Variants in LMNTD1 observed in about 807,000 individuals in gnomAD.
LMNTD1 encodes the protein lamin tail domain-containing protein 1.
In LMNTD1, 35 loss-of-function variants were observed where a neutral mutation model predicts 50.9. The ratio of observed to expected loss-of-function variants is 0.69; its 90% CI spans 0.53 to 0.91. The LOEUF (loss-of-function observed/expected upper bound fraction) is 0.91. LMNTD1 is among the 40% of genes least tolerant of loss of function. The pLI is 0.00. For missense variants in LMNTD1, 470 were observed against 475.5 expected, an observed-to-expected ratio of 0.99 and a Z score of 0.11; for synonymous variants, 153 against 161.9, an observed-to-expected ratio of 0.94 and a Z score of 0.42.
At chr12:25,634,207 A>G (rs1340921099) in intron 1 of LMNTD1, among the ~76,000 whole-genome samples, 1 of 152,224 alleles carries the variant, frequency 6.6e-6, no homozygotes, top group African/African-American at 2.4e-5. Context: ...ACCAACAAAA[A>G]AAGTCCAGGA....
At chr12:25,593,697 A>G (rs1207168576) in intron 1 of LMNTD1, among the ~76,000 whole-genome samples, 3 of 152,116 alleles carry the variant, frequency 2.0e-5, no homozygotes, top group Admixed American at 2.0e-4. Context: ...ATGGGTCCAA[A>G]CCAAGAAGAA....
At chr12:25,558,898 G>A (rs1414852874) in intron 1 of LMNTD1, among the ~76,000 whole-genome samples, 4 of 151,878 alleles carry the variant, frequency 2.6e-5, no homozygotes, top group East Asian at 3.9e-4. Flanking sequence ...ATTTGGGTGG[G>A]GACACAGAGC....
chr12:25,561,943 A>C (rs949457104), intron 1 of LMNTD1, among the ~76,000 whole-genome samples: 10 of 152,154 alleles, frequency 6.6e-5, no homozygotes, highest in African/African-American at 2.4e-4. Context: ...GTTTCATCAG[A>C]GACTAGGATT....
chr12:25,598,764 G>A (rs920212333), intron 1 of LMNTD1, among the ~76,000 whole-genome samples: 175 of 151,754 alleles, frequency 1.2e-3, no homozygotes, highest in African/African-American at 3.9e-3. Flanking sequence ...AAATGGACAC[G>A]TTACTGGACA....
chr12:25,574,353 T>A (rs928058483), intron 1 of LMNTD1, among the ~76,000 whole-genome samples: 1 of 152,100 alleles, frequency 6.6e-6, no homozygotes, highest in Admixed American at 6.6e-5. Context: ...ACCCTTGCCC[T>A]CCCCCATCCA....
In LMNTD1 at chr12:25,518,468, T is replaced by G. The variant is rs531163698; in HGVS notation, c.1189+327A>C. Among the ~76,000 whole-genome samples the G allele has an allele frequency of 3.4e-5, 5 of 146,222 alleles. No homozygotes were observed. In the South Asian group the frequency reaches 1.1e-3, roughly 34 times the overall value. On this transcript the variant is annotated intron_variant, in intron 8 of 9. Transcript: ENST00000458174. ...CACAGCATAACTTGTAAGAACAGTT[T>G]TTGCTGCCTGATGAAAAAACAAAAA...
At chr12:25,575,742 G>T (rs829042) in intron 1 of LMNTD1, among the ~76,000 whole-genome samples, 97,058 of 151,814 alleles carry the variant, frequency 0.64, 32,797 homozygotes, top group Non-Finnish European at 0.77. Flanking sequence ...ACAACGTGCA[G>T]GTTTGTTACA....
intron 2 of LMNTD1, among the ~76,000 whole-genome samples, chr12:25,552,466 C>T (rs829050): frequency 0.67 from 101,425 of 150,810 alleles, 34,432 homozygotes; most frequent in Admixed American, 0.73. Flanking sequence ...ATTAGCCGGG[C>T]GTGGTGGCGG....
chr12:25,562,022 A>G lies in LMNTD1; in HGVS notation c.59-15468T>C, dbSNP rs148698995. ...TCCTCCATCCCTTTATTTTGAGCCT[A>G]TGTGTGTCTCTGCACATGAGATGGG... On this transcript the variant is annotated intron_variant, in intron 1 of 7. Transcript: ENST00000445693. 2.0e-3 allele frequency among the ~76,000 whole-genome samples: 299 copies of G among 152,198 alleles called. 1 individual carries two copies. The highest frequency in any genetic ancestry group is 7.0e-3 in the African/African-American group (292 of 41,526).
intron 1 of LMNTD1, among the ~76,000 whole-genome samples, chr12:25,576,775 G>GTCC: frequency 6.6e-6 from 1 of 152,316 alleles, no homozygotes; most frequent in South Asian, 2.1e-4. Context: ...CCATGCCTAT[G>GTCC]TCCTGAATGG....
At chr12:25,647,847 A>G (rs1259448383) in intron 1 of LMNTD1, among the ~76,000 whole-genome samples, 1 of 152,244 alleles carries the variant, frequency 6.6e-6, no homozygotes, top group Admixed American at 6.5e-5. Context: ...TGGTAAAAAC[A>G]GCCAATTTCA....
intron 1 of LMNTD1, among the ~76,000 whole-genome samples, chr12:25,629,323 T>A (rs940725089): frequency 7.9e-5 from 12 of 152,168 alleles, no homozygotes; most frequent in African/African-American, 2.9e-4. Flanking sequence ...AAACTCTACT[T>A]TAGATAAGTG....
chr12:25,519,586 TCAAAA>T lies in LMNTD1; in HGVS notation c.1016+267_1016+271del, dbSNP rs1476129162. Reference sequence around the variant, plus strand: ...CTGGGTGACAGAGCGAGACTCTGTCTCAAAAAAAAAAAAAAAAAAAAAGTGAAATG... The same window carrying T: ...CTGGGTGACAGAGCGAGACTCTGTCTAAAAAAAAAAAAAAAAAGTGAAATG... On this transcript the variant is annotated intron_variant, in intron 7 of 9. Transcript: ENST00000458174. Among the ~76,000 whole-genome samples the T allele has an allele frequency of 7.1e-4, 53 of 74,940 alleles. 8 individuals carry two copies. Among genetic ancestry groups the T allele is most frequent in the South Asian group, 3.8e-3 (7 of 1,852 alleles). The allele number at this position is 74,940 out of a possible 152,430, so 49.2% of individuals were successfully genotyped here.
intron 1 of LMNTD1, among the ~76,000 whole-genome samples, chr12:25,597,300 G>C (rs894034381): frequency 2.0e-5 from 3 of 151,888 alleles, no homozygotes; most frequent in Admixed American, 6.6e-5. Flanking sequence ...AAAAATGAAG[G>C]GATGGTAAAA....
intron 9 of LMNTD1, among the ~76,000 whole-genome samples, chr12:25,479,336 T>C (rs1184151064): frequency 6.6e-6 from 1 of 152,198 alleles, no homozygotes; most frequent in African/African-American, 2.4e-5. Context: ...TAAGTGGTAC[T>C]ACTTCTACTT....
At chr12:25,480,118 C>T (rs78308982) in intron 9 of LMNTD1, among the ~76,000 whole-genome samples, 295 of 152,322 alleles carry the variant, frequency 1.9e-3, no homozygotes, top group African/African-American at 6.8e-3. Flanking sequence ...TGAGCACTCA[C>T]GTACAATACA....
At chr12:25,574,667 T>A (rs1944930129) in intron 1 of LMNTD1, among the ~76,000 whole-genome samples, 1 of 152,188 alleles carries the variant, frequency 6.6e-6, no homozygotes. Context: ...TCCCCCAGTG[T>A]CATCACTTTC....
In LMNTD1 at chr12:25,619,250, CTCTATATATATA is replaced by C. The variant is rs1264178054; in HGVS notation, c.58+29232_58+29243del. On this transcript the variant is annotated intron_variant, in intron 1 of 7. Transcript: ENST00000445693. ...TCTCTCTCTCTCTCTCTCTCTCTCT[CTCTATATATATA>C]TATATATATATATATATGTATAGCT... 6.9e-3 allele frequency among the ~76,000 whole-genome samples: 547 copies of C among 79,352 alleles called. 2 individuals carry two copies. Among genetic ancestry groups the C allele is most frequent in the Middle Eastern group, 0.012 (2 of 162 alleles). 52.1% of individuals were successfully genotyped at this position (79,352 alleles called of 152,430 possible).
At chr12:25,566,935 G>T (rs1169325696) in intron 1 of LMNTD1, among the ~76,000 whole-genome samples, 1 of 152,214 alleles carries the variant, frequency 6.6e-6, no homozygotes, top group Admixed American at 6.5e-5. Flanking sequence ...TCTCCCTTGT[G>T]TGCAAATGAG....
Sources: gnomAD v4.1 joint callset for allele counts (sites outside exome capture counted in the v4.1 genomes callset) on GRCh38, gnomAD v4.1.1 for gene constraint, MANE v1.5 for transcripts, NCBI Gene and HGNC (gene_info 2026-07-23, HGNC 2026-07-21) for gene names.